Variants in ITPK1 observed in about 807,000 individuals in gnomAD.
The protein encoded by ITPK1 is inositol 1,3,4-trisphosphate 5/6-kinase.
In ITPK1, 21 loss-of-function variants were observed where a neutral mutation model predicts 45.3. The ratio of observed to expected loss-of-function variants is 0.46; its 90% CI spans 0.33 to 0.67. ITPK1 has a LOEUF of 0.67. ITPK1 is among the 30% of genes least tolerant of loss of function. The pLI, the probability that ITPK1 is intolerant of heterozygous loss-of-function variation, is 0.02. For missense variants in ITPK1, 474 were observed against 573.5 expected, an observed-to-expected ratio of 0.83 and a Z score of 1.77; for synonymous variants, 258 against 253.6, an observed-to-expected ratio of 1.02 and a Z score of -0.16.
chr14:92,985,406 T>C (rs1886443520), intron 5 of ITPK1, among the ~76,000 whole-genome samples: 1 of 152,046 alleles, frequency 6.6e-6, no homozygotes, highest in Non-Finnish European at 1.5e-5. Context: ...GCAAAGGGTA[T>C]ATGGGAACTC....
rs1039238187 is a variant in ITPK1, at chr14:93,012,340, C to A, written c.246+4336G>T. 1.3e-5 allele frequency among the ~76,000 whole-genome samples: 2 copies of A among 152,114 alleles called. No individual in the cohort carries two copies. The highest frequency in any genetic ancestry group is 4.8e-5 in the African/African-American group (2 of 41,412). On this transcript the variant is annotated intron_variant, in intron 4 of 10. Transcript: ENST00000267615. This position sits in a 1 kb window ranked among gnomAD's most constrained non-coding sequence, Gnocchi z 4.9. ...GAGAGATGTGTCATTAATCAGCTCACGAGGGAGGACATTTCTTGGGAAGGG... is the reference window on the plus strand; with the variant it reads ...GAGAGATGTGTCATTAATCAGCTCAAGAGGGAGGACATTTCTTGGGAAGGG...
intron 9 of ITPK1, among the ~76,000 whole-genome samples, chr14:92,947,638 G>A (rs1652975067): frequency 6.6e-6 from 1 of 152,230 alleles, no homozygotes; most frequent in Non-Finnish European, 1.5e-5. Context: ...CATGTGCCCG[G>A]CTGGGAGGAG....
chr14:92,993,409 C>A (rs574260216), intron 5 of ITPK1, among the ~76,000 whole-genome samples: 1 of 152,150 alleles, frequency 6.6e-6, no homozygotes, highest in Non-Finnish European at 1.5e-5. Context: ...GGGGAGGCGC[C>A]GCAGTGAAGA....
In ITPK1 at chr14:93,076,580, G is replaced by A. The variant is rs545075915; in HGVS notation, c.120+15C>T. The A allele has an allele frequency of 1.9e-5, 30 of 1,614,068 alleles. No individual in the cohort carries two copies. In the South Asian group the frequency reaches 1.9e-4, roughly 10 times the overall value. On this transcript the variant is annotated intron_variant, in intron 3 of 10. Transcript: ENST00000267615. This position sits in a 1 kb window ranked among gnomAD's most constrained non-coding sequence, Gnocchi z 4.3. ...CCACTACCCAAAGAACCACGGGGAC[G>A]CGGTCTGTACTCACCTGCACAACCT...
chr14:92,946,738 C>T (rs1887710272), intron 9 of ITPK1, among the ~76,000 whole-genome samples: 1 of 152,242 alleles, frequency 6.6e-6, no homozygotes, highest in Non-Finnish European at 1.5e-5. Flanking sequence ...AAGGCCAGTG[C>T]CAGCACTGCA....
chr14:93,023,162 G>A (rs1457608528), intron 3 of ITPK1, among the ~76,000 whole-genome samples: 2 of 152,212 alleles, frequency 1.3e-5, no homozygotes, highest in African/African-American at 2.4e-5. Context: ...TTACAGGTGT[G>A]AGCCACCGCA....
In ITPK1 at chr14:93,102,272, C is replaced by T. The variant is rs545986249; in HGVS notation, c.95+12797G>A. 5.9e-5 allele frequency among the ~76,000 whole-genome samples: 9 copies of T among 152,366 alleles called. No individual in the cohort carries two copies. In the South Asian group the frequency reaches 1.9e-3, roughly 32 times the overall value. On this transcript the variant is annotated intron_variant, in intron 2 of 10. Transcript: ENST00000267615. ...GCACCCAAATCTCCGCAAGCACAGG[C>T]CACGGCTTGGCTGCGCCCAGGTCAA...
chr14:92,980,455 A>G (rs1437935249), intron 5 of ITPK1, among the ~76,000 whole-genome samples: 1 of 151,872 alleles, frequency 6.6e-6, no homozygotes, highest in African/African-American at 2.4e-5. Flanking sequence ...CCAAAACAAG[A>G]AAGGCTCTCA....
intron 9 of ITPK1, among the ~76,000 whole-genome samples, chr14:92,951,644 G>GA (rs928963626): frequency 2.0e-5 from 3 of 152,300 alleles, no homozygotes; most frequent in African/African-American, 7.2e-5. Flanking sequence ...CATGCTGGGA[G>GA]AAGGGTCAGC....
intron 3 of ITPK1, among the ~76,000 whole-genome samples, chr14:93,048,338 A>G (rs1889868180): frequency 6.6e-6 from 1 of 152,246 alleles, no homozygotes; most frequent in Non-Finnish European, 1.5e-5. Flanking sequence ...ATAACAAAAA[A>G]CAATTCCAAC....
At position 92,940,576 on chromosome 14, in the gene ITPK1, C is replaced by T; in HGVS notation, c.*985G>A. The T allele has an allele frequency of 8.5e-7, 1 of 1,183,114 alleles. No individual in the cohort carries two copies. The highest frequency in any genetic ancestry group is 3.6e-5 in the Admixed American group (1 of 27,456). 73.3% of individuals were successfully genotyped at this position (1,183,114 alleles called of 1,614,324 possible). ...GGAGTGAACCCACTGGGAAGAGGGC[C>T]CCGATCTCCATGGTGTCATGCCGAG... On this transcript the variant is annotated 3_prime_UTR_variant, in exon 11 of 11. Coordinates refer to ENST00000267615, the MANE Select transcript of ITPK1 (RefSeq NM_014216.6).
chr14:93,112,688 T>C (rs1023740963), intron 2 of ITPK1, among the ~76,000 whole-genome samples: 1 of 151,954 alleles, frequency 6.6e-6, no homozygotes, highest in Non-Finnish European at 1.5e-5. Flanking sequence ...CCCACCCACC[T>C]TGGACTCCCA....
chr14:93,041,425 G>T (rs1889556466), intron 3 of ITPK1, among the ~76,000 whole-genome samples: 1 of 152,200 alleles, frequency 6.6e-6, no homozygotes, highest in Admixed American at 6.5e-5. Context: ...CAGGTTCTGG[G>T]ATGTGAGCAC....
rs1395848116 is a variant in ITPK1 at position 93,032,280 on chromosome 14, G to T, written c.121-15479C>A. Among the ~76,000 whole-genome samples the T allele has an allele frequency of 6.6e-6, 1 of 152,092 alleles. No homozygotes were observed. Among genetic ancestry groups the T allele is most frequent in the East Asian group, 1.9e-4 (1 of 5,192 alleles). Reference sequence around the variant, plus strand: ...CAGGAGAATCACTTGAACCCAGGAGGCGGAGGTTGCAGTGAGCCGAGATTA... The same window carrying T: ...CAGGAGAATCACTTGAACCCAGGAGTCGGAGGTTGCAGTGAGCCGAGATTA... On this transcript the variant is annotated intron_variant, in intron 3 of 10. Coordinates refer to ENST00000267615, the MANE Select transcript of ITPK1 (RefSeq NM_014216.6). The surrounding 1 kb of genome is among the most constrained non-coding windows in gnomAD (Gnocchi z 4.0).
chr14:93,095,368 A>C (rs941831594), intron 2 of ITPK1, among the ~76,000 whole-genome samples: 1 of 152,232 alleles, frequency 6.6e-6, no homozygotes, highest in Non-Finnish European at 1.5e-5. Flanking sequence ...TCCTACAGAC[A>C]AAGAAACAGG....
chr14:93,089,969 G>A (rs1257067839), intron 2 of ITPK1, among the ~76,000 whole-genome samples: 3 of 152,146 alleles, frequency 2.0e-5, no homozygotes, highest in Non-Finnish European at 4.4e-5. Context: ...ACTGAGGCCA[G>A]CACAGGCAGG....
At chr14:93,027,000 C>A (rs1183943567) in intron 3 of ITPK1, among the ~76,000 whole-genome samples, 1 of 152,168 alleles carries the variant, frequency 6.6e-6, no homozygotes, top group African/African-American at 2.4e-5. Flanking sequence ...ATTCCTTCAA[C>A]GTCACTTTTT....
chr14:92,962,656 C>A, intron 6 of ITPK1, 95 bp downstream of exon 6: 1 of 984,834 alleles, frequency 1.0e-6, no homozygotes. Flanking sequence ...CTCGGGTGAG[C>A]TTAAATCCAG....
At chr14:93,015,122 A>G (rs375669837) in intron 4 of ITPK1, among the ~76,000 whole-genome samples, 1 of 152,154 alleles carries the variant, frequency 6.6e-6, no homozygotes, top group African/African-American at 2.4e-5. Context: ...CTGGGACCAC[A>G]CCCCAGGACA....
Sources: gnomAD v4.1 joint callset for allele counts (sites outside exome capture counted in the v4.1 genomes callset) on GRCh38, gnomAD v4.1.1 for gene constraint, Gnocchi (gnomAD v3.1) non-coding constraint, MANE v1.5 for transcripts, NCBI Gene and HGNC (gene_info 2026-07-23, HGNC 2026-07-21) for gene names.